CENPU: variants seen among roughly 807,000 people sequenced by gnomAD.
The protein encoded by CENPU is centromere protein U.
A neutral mutation model predicts 56.7 loss-of-function variants in CENPU; 46 were observed. The ratio of observed to expected loss-of-function variants is 0.81; its 90% CI spans 0.64 to 1.04. The LOEUF (loss-of-function observed/expected upper bound fraction) is 1.04, where lower values mean the gene tolerates loss of function less well. Among genes scored for constraint, CENPU ranks in the 50% least tolerant of loss-of-function variants. CENPU has a pLI of 0.00. For synonymous variants in CENPU, 166 were observed against 163.0 expected, an observed-to-expected ratio of 1.02 and a Z score of -0.14; for missense variants, 510 against 490.1, an observed-to-expected ratio of 1.04 and a Z score of -0.38.
chr4:184,717,243 A>T, intron 4 of CENPU, 47 bp from the exon 5 acceptor site: 1 of 1,358,892 alleles, frequency 7.4e-7, no homozygotes, highest in Non-Finnish European at 1.0e-6. Flanking sequence ...TTCCATTTAT[A>T]TTCACATGTC....
At chr4:184,696,280 T>C (rs1760303165) in intron 12 of CENPU, among the ~76,000 whole-genome samples, 1 of 152,208 alleles carries the variant, frequency 6.6e-6, no homozygotes, top group South Asian at 2.1e-4. Context: ...TGTCACTAAA[T>C]GTTTAGAGTA....
chr4:184,720,234 G>A (rs1036804565), intron 4 of CENPU, among the ~76,000 whole-genome samples: 10 of 151,898 alleles, frequency 6.6e-5, no homozygotes, highest in Non-Finnish European at 8.8e-5. Flanking sequence ...AAAATGTAAC[G>A]GACATACTAA....
intron 3 of CENPU, among the ~76,000 whole-genome samples, chr4:184,726,042 A>G (rs1654771864): frequency 6.6e-6 from 1 of 152,228 alleles, no homozygotes; most frequent in Admixed American, 6.5e-5. Flanking sequence ...AAAGTTTAGC[A>G]TGACAGTGCA....
chr4:184,720,373 A>C (rs1021147558), intron 4 of CENPU, among the ~76,000 whole-genome samples: 1 of 152,184 alleles, frequency 6.6e-6, no homozygotes, highest in African/African-American at 2.4e-5. Context: ...ATCGTGAAGC[A>C]TGCCTACAGG....
intron 1 of CENPU, among the ~76,000 whole-genome samples, chr4:184,731,883 C>CTGTGTGTGTGTCTGTGTG (rs1554013213): frequency 1.4e-5 from 2 of 146,640 alleles, no homozygotes; most frequent in African/African-American, 2.5e-5. Context: ...CTCATGTGCT[C>CTGTGTGTGTGTCTGTGTG]TGTGTGTGTG....
intron 1 of CENPU, among the ~76,000 whole-genome samples, chr4:184,732,733 G>C (rs1761693197): frequency 2.0e-5 from 3 of 152,206 alleles, no homozygotes; most frequent in Admixed American, 6.5e-5. Context: ...GCCAGGCGCG[G>C]TGGCTCATGC....
chr4:184,697,894 C>A, intron 11 of CENPU, 91 bp from the exon 12 acceptor site: 1 of 912,704 alleles, frequency 1.1e-6, no homozygotes, highest in South Asian at 1.8e-5. Context: ...TGTGAAGAAC[C>A]GGGGCTGGCC....
intron 10 of CENPU, among the ~76,000 whole-genome samples, chr4:184,701,551 T>TGCTG (rs1760535420): frequency 1.3e-5 from 2 of 152,138 alleles, no homozygotes; most frequent in South Asian, 4.1e-4. Context: ...GAGACTCTCA[T>TGCTG]GCTGGCTGGC....
chr4:184,708,853 G>A (rs1166411455), intron 8 of CENPU, among the ~76,000 whole-genome samples: 3 of 152,138 alleles, frequency 2.0e-5, no homozygotes, highest in Non-Finnish European at 2.9e-5. Context: ...TGAGATAAAA[G>A]TGATCAAATA....
chr4:184,732,161 T>A (rs907842278), intron 1 of CENPU, among the ~76,000 whole-genome samples: 1 of 152,174 alleles, frequency 6.6e-6, no homozygotes, highest in African/African-American at 2.4e-5. Context: ...CTGGATATAC[T>A]ATGTTCACAA....
chr4:184,708,953 G>C (rs1760824828), intron 8 of CENPU, among the ~76,000 whole-genome samples: 1 of 152,090 alleles, frequency 6.6e-6, no homozygotes, highest in Non-Finnish European at 1.5e-5. Context: ...AGAATTAAAG[G>C]TGGGGAGTTA....
intron 6 of CENPU, 90 bp downstream of exon 6, chr4:184,716,307 T>C (rs1268868710): frequency 3.8e-6 from 3 of 784,052 alleles, no homozygotes; most frequent in Non-Finnish European, 6.3e-6. Flanking sequence ...TTTGAAAAGA[T>C]CTGAAGGAAA....
At chr4:184,701,741 AAATATATATT>A (rs1211441459) in intron 10 of CENPU, among the ~76,000 whole-genome samples, 1 of 152,206 alleles carries the variant, frequency 6.6e-6, no homozygotes, top group African/African-American at 2.4e-5. Context: ...CAAAAGCAAT[AAATATATATT>A]AATATTTATC....
chr4:184,705,210 G>A (rs1304946030), intron 8 of CENPU, among the ~76,000 whole-genome samples: 4 of 152,084 alleles, frequency 2.6e-5, no homozygotes, highest in Non-Finnish European at 5.9e-5. Flanking sequence ...ACAAACCATG[G>A]TATATCCATA....
intron 7 of CENPU, among the ~76,000 whole-genome samples, chr4:184,712,099 A>G (rs1357490930): frequency 6.8e-6 from 1 of 148,130 alleles, no homozygotes; most frequent in East Asian, 1.9e-4. Flanking sequence ...CCAGCCTGGC[A>G]ACAGAGCAAG....
At chr4:184,713,051 T>C in intron 6 of CENPU, 38 bp from the exon 7 acceptor site, 1 of 1,333,676 alleles carries the variant, frequency 7.5e-7, no homozygotes, top group Non-Finnish European at 1.0e-6. Flanking sequence ...TAAGAAAAGT[T>C]TTCTTTCTCT....
rs532888045 is a variant in CENPU, at chr4:184,728,928, A to G, written c.204T>C (p.Tyr68=). The change falls in exon 3 of 13, where the codon TAT becomes TAC. Residue 68 remains tyrosine (Y), a synonymous_variant. Transcript: ENST00000281453. The part of the protein sequence containing the change: ...LGENEKDEET[Y]ETFDPPLHST... ...ATTTAAAGTACTAACCAAAGGTCTC[A>G]TAAGTTTCTTCATCTTTCTCATTTT... is the stretch of plus-strand genomic sequence containing the variant. 4 of 1,613,138 alleles carry G rather than the reference A, an allele frequency of 2.5e-6. No homozygotes were observed. The highest frequency in any genetic ancestry group is 2.7e-5 in the African/African-American group (2 of 74,914).
rs1421481387 is a variant in CENPU, at chr4:184,694,164, A to G, written c.*1124T>C. ...CTTTAAAATTTAAAGCATGGGTACT[A>G]AGTCCATTGTCAAGATAGCAAATTT... is the stretch of plus-strand genomic sequence containing the variant. On this transcript the variant is annotated 3_prime_UTR_variant, in exon 13 of 13. Coordinates refer to ENST00000281453, the MANE Select transcript of CENPU (RefSeq NM_024629.4). 2 of 962,870 alleles carry G rather than the reference A, an allele frequency of 2.1e-6. No homozygotes were observed. Among genetic ancestry groups the G allele is most frequent in the Non-Finnish European group, 2.5e-6 (2 of 798,312 alleles). The allele number at this position is 962,870 out of a possible 1,614,324, so 59.6% of individuals were successfully genotyped here. A position where few individuals can be genotyped will look rare whatever the true frequency, so the allele number is the denominator to read the frequency against.
At chr4:184,718,282 G>A (rs759425737) in intron 4 of CENPU, among the ~76,000 whole-genome samples, 2 of 152,216 alleles carry the variant, frequency 1.3e-5, no homozygotes, top group African/African-American at 2.4e-5. Context: ...CCAGAGCTCC[G>A]CAGTGGGTTG....
Sources: gnomAD v4.1 joint callset for allele counts (sites outside exome capture counted in the v4.1 genomes callset) on GRCh38, gnomAD v4.1.1 for gene constraint, MANE v1.5 for transcripts, NCBI Gene and HGNC (gene_info 2026-07-23, HGNC 2026-07-21) for gene names.